NOP14: variants seen among roughly 807,000 people sequenced by gnomAD.
NOP14 encodes the protein nucleolar protein 14.
In NOP14, 57 loss-of-function variants were observed where a neutral mutation model predicts 101.6. The ratio of observed to expected loss-of-function variants is 0.56; its 90% CI spans 0.45 to 0.70. The LOEUF (loss-of-function observed/expected upper bound fraction) is 0.70, where lower values mean the gene tolerates loss of function less well. NOP14 is among the 30% of genes least tolerant of loss of function. The probability of loss-of-function intolerance (pLI) is 0.00; values close to 1 mark genes in which losing one functional copy is unlikely to be tolerated. For synonymous variants in NOP14, 428 were observed against 424.0 expected (o/e 1.01, Z -0.12); for missense variants, 1,134 against 1,075.5 (o/e 1.05, Z -0.76).
At position 2,938,708 on chromosome 4, in the gene NOP14, G is replaced by A; in HGVS notation, c.*123C>T. ...TTTTTGGTAGAGACGGGGTCTTCCT[G>A]TGTTGCCCAGGCTGGTCTCGAACTC... On this transcript the variant is annotated 3_prime_UTR_variant, in exon 18 of 18. Coordinates refer to ENST00000416614, the MANE Select transcript of NOP14 (RefSeq NM_001291978.2). 1 of 723,550 alleles carries A rather than the reference G, an allele frequency of 1.4e-6. No homozygotes were observed. The highest frequency in any genetic ancestry group is 1.8e-5 in the South Asian group (1 of 55,200). 44.8% of individuals were successfully genotyped at this position (723,550 alleles called of 1,614,324 possible).
At chr4:2,942,844 C>CGT (rs66571798) in intron 13 of NOP14, among the ~76,000 whole-genome samples, 70,122 of 151,816 alleles carry the variant, frequency 0.46, 17,372 homozygotes, top group African/African-American at 0.63. Flanking sequence ...GCCTGTAGGA[C>CGT]GCAGGAGTCA....
intron 9 of NOP14, 31 bp from the exon 10 acceptor site, chr4:2,947,642 C>T (rs749684003): frequency 6.5e-7 from 1 of 1,547,948 alleles, no homozygotes; most frequent in Non-Finnish European, 8.9e-7. Context: ...AAATAAAGCT[C>T]AGTGCTCAGC....
intron 7 of NOP14, 169 bp from the exon 8 acceptor site, chr4:2,950,382 C>CGAAT (rs1229751762): frequency 1.5e-6 from 1 of 673,500 alleles, no homozygotes; most frequent in African/African-American, 1.8e-5. Flanking sequence ...TGCCCACCAC[C>CGAAT]CGCTTCTAGG....
chr4:2,950,425 A>G, intron 7 of NOP14: 1 of 599,180 alleles, frequency 1.7e-6, no homozygotes, highest in Non-Finnish European at 2.9e-6. Flanking sequence ...AGGCTGCTAG[A>G]GAACCCTGCG....
chr4:2,954,535 T>A lies in NOP14; in HGVS notation c.501A>T (p.Gly167=). 6.2e-7 allele frequency: 1 copy of A among 1,614,054 alleles called. No individual in the cohort carries two copies. Among genetic ancestry groups the A allele is most frequent in the African/African-American group, 1.3e-5 (1 of 75,018 alleles). The part of the protein sequence containing the change: ...SAELTAAHFG[G]GGGLLHKKTQ... Reference sequence around the variant, plus strand: ...TCTTCTTGTGAAGGAGCCCACCGCCTCCTCCAAAGTGGGCAGCAGTCAGCT... The same window carrying A: ...TCTTCTTGTGAAGGAGCCCACCGCCACCTCCAAAGTGGGCAGCAGTCAGCT... Residue 167 remains glycine (G), a synonymous_variant, in exon 4 of 18, where the codon GGA becomes GGT. Transcript: ENST00000416614.
intron 2 of NOP14, 93 bp downstream of exon 2, chr4:2,957,513 G>GAACATGCAA (rs1715429815): frequency 8.0e-6 from 12 of 1,491,236 alleles, no homozygotes; most frequent in Middle Eastern, 1.8e-4. Context: ...GAGTGCCCAG[G>GAACATGCAA]AACATGCAAA....
At position 2,938,348 on chromosome 4, in the gene NOP14, C is replaced by G. The variant is rs1339349069; in HGVS notation, c.*483G>C. The G allele has an allele frequency of 3.9e-6, 2 of 518,254 alleles. No homozygotes were observed. The highest frequency in any genetic ancestry group is 5.6e-5 in the Admixed American group (2 of 35,970). The allele number at this position is 518,254 out of a possible 1,614,324, so 32.1% of individuals were successfully genotyped here. On this transcript the variant is annotated 3_prime_UTR_variant, in exon 18 of 18. Coordinates refer to ENST00000416614, the MANE Select transcript of NOP14 (RefSeq NM_001291978.2). The stretch of plus-strand genomic sequence containing the variant: ...CCAGCCTGACCAACATGGAGAAACC[C>G]CGTCTCTACTAAAAATACAAAATTA...
In NOP14 at chr4:2,952,419, C is replaced by A. The variant is rs202002842; in HGVS notation, c.748-22G>T. The A allele has an allele frequency of 8.7e-4, 1,357 of 1,553,524 alleles. 8 individuals are homozygous for A. The highest frequency in any genetic ancestry group is 9.3e-4 in the African/African-American group (67 of 72,418). ...CGGGCTAAGGTAGAAAGAAGAAATT[C>A]TTCATTTTAAAAATATATTTATTTC... On this transcript the variant is annotated intron_variant, in intron 5 of 17. Transcript: ENST00000416614.
intron 7 of NOP14, 91 bp from the exon 8 acceptor site, chr4:2,950,304 G>A: frequency 1.4e-6 from 2 of 1,396,692 alleles, no homozygotes; most frequent in Non-Finnish European, 9.9e-7. Flanking sequence ...GCCCACATCA[G>A]GGCTTTCTAC....
At chr4:2,949,545 T>C (rs1243033148) in intron 8 of NOP14, among the ~76,000 whole-genome samples, 3 of 152,158 alleles carry the variant, frequency 2.0e-5, no homozygotes, top group African/African-American at 7.2e-5. Context: ...CAACACTGTA[T>C]ATTCCATCTA....
In NOP14 at chr4:2,952,389, T is replaced by C. The variant is rs373425497; in HGVS notation, c.756A>G (p.Ala252=). 80 of 1,610,058 alleles carry C rather than the reference T, an allele frequency of 5.0e-5. No homozygotes were observed. Among genetic ancestry groups the C allele is most frequent in the Middle Eastern group, 3.3e-4 (2 of 6,038 alleles). The change falls in exon 6 of 18, where the codon GCA becomes GCG. Residue 252 remains alanine (A), a synonymous_variant. Coordinates refer to ENST00000416614, the MANE Select transcript of NOP14 (RefSeq NM_001291978.2). ...CAAGCTCGCGAACCATCATGTCATATGCATCGGGCTAAGGTAGAAAGAAGA... is the reference window on the plus strand; with the variant it reads ...CAAGCTCGCGAACCATCATGTCATACGCATCGGGCTAAGGTAGAAAGAAGA... ...RDKKEKPKPD[A]YDMMVRELGF...
At chr4:2,939,144 CTGAG>C in intron 17 of NOP14, 40 bp downstream of exon 17, 1 of 1,610,908 alleles carries the variant, frequency 6.2e-7, no homozygotes, top group South Asian at 1.1e-5. Flanking sequence ...AGCACCAAAG[CTGAG>C]TGACACCACA....
At position 2,944,156 on chromosome 4, in the gene NOP14, G is replaced by A. The variant is rs1231177308; in HGVS notation, c.1808C>T (p.Ala603Val). The A allele has an allele frequency of 1.2e-6, 2 of 1,613,970 alleles. No homozygotes were observed. Among genetic ancestry groups the A allele is most frequent in the Non-Finnish European group, 1.7e-6 (2 of 1,179,886 alleles). Residue 603 changes from alanine (A) to valine (V), a missense_variant, in exon 13 of 18, where the codon GCT becomes GTT. Ala to Val is a moderately conservative substitution (Grantham distance 64). Coordinates refer to ENST00000416614, the MANE Select transcript of NOP14 (RefSeq NM_001291978.2). ...FVCCLFLEYVALSQRFIPELI... is the reference protein window; with the variant it reads ...FVCCLFLEYVVLSQRFIPELI... ...CTCAGGTATAAACCTCTGGGACAAA[G>A]CCACATACTCCAGGAACAGGCAGCA... is the stretch of plus-strand genomic sequence containing the variant.
chr4:2,961,082 ATAT>A (rs1359695588), intron 1 of NOP14, among the ~76,000 whole-genome samples: 2,117 of 111,246 alleles, frequency 0.019, 147 homozygotes, highest in African/African-American at 0.076. Flanking sequence ...TACTATATTA[ATAT>A]TATAATAATA....
At chr4:2,955,742 C>G (rs1715307770) in intron 3 of NOP14, among the ~76,000 whole-genome samples, 1 of 152,266 alleles carries the variant, frequency 6.6e-6, no homozygotes, top group African/African-American at 2.4e-5. Context: ...AGAGCAAAGA[C>G]AAAGGCACAG....
At chr4:2,941,890 C>T (rs185837917) in intron 14 of NOP14, 161 bp from the exon 15 acceptor site, 2 of 824,634 alleles carry the variant, frequency 2.4e-6, no homozygotes, top group Non-Finnish European at 3.7e-6. Context: ...ACGGGCAAGG[C>T]AGGCTCAGGG....
intron 14 of NOP14, 156 bp from the exon 15 acceptor site, chr4:2,941,885 C>T: frequency 1.2e-6 from 1 of 853,038 alleles, no homozygotes; most frequent in Admixed American, 2.7e-5. Flanking sequence ...CAACCACGGG[C>T]AAGGCAGGCT....
rs763892896 is a variant in NOP14, at chr4:2,951,075, AAAAG to A, written c.1002+35_1002+38del. ...ACCAAAAAAATGTTTTTAAATTAAAAAAAGAGAGAGAAAGAGAAAATGAAGGCAA... is the reference window on the plus strand; with the variant it reads ...ACCAAAAAAATGTTTTTAAATTAAAAAGAGAGAAAGAGAAAATGAAGGCAA... On this transcript the variant is annotated intron_variant, in intron 7 of 17. Transcript: ENST00000416614. 1.3e-5 allele frequency: 20 copies of A among 1,546,874 alleles called. No individual in the cohort carries two copies. In the South Asian group the frequency reaches 1.3e-4, roughly 10 times the overall value.
chr4:2,945,072 C>G lies in NOP14; in HGVS notation c.1737+56G>C, dbSNP rs147082656. The G allele has an allele frequency of 4.7e-4, 608 of 1,282,406 alleles. 5 individuals are homozygous for G. In the East Asian group the frequency reaches 0.013, roughly 27 times the overall value. 79.4% of individuals were successfully genotyped at this position (1,282,406 alleles called of 1,614,324 possible). A position where few individuals can be genotyped will look rare whatever the true frequency, so the allele number is the denominator to read the frequency against. On this transcript the variant is annotated intron_variant, in intron 12 of 17. Transcript: ENST00000416614. ...TCCACAAGGCCCCGAGGGGCTGTGG[C>G]TCCGGCCACCCGTGGTGCAGCAGGC...
Sources: gnomAD v4.1 joint callset for allele counts (sites outside exome capture counted in the v4.1 genomes callset) on GRCh38, gnomAD v4.1.1 for gene constraint, MANE v1.5 for transcripts, NCBI Gene and HGNC (gene_info 2026-07-23, HGNC 2026-07-21) for gene names.